The following RNF141 variants were observed in gnomAD, a reference collection of about 807,000 sequenced individuals.
The protein encoded by RNF141 is ring finger protein 141, also known as C3HC4-like zinc finger protein.
RNF141 carries 18 observed loss-of-function variants against 27.4 expected under a neutral mutation model. The observed-to-expected ratio is 0.66, with a 90% CI of 0.45 to 0.97. The LOEUF is 0.97. RNF141 is among the 50% of genes least tolerant of loss of function. RNF141 has a pLI of 0.00. For synonymous variants in RNF141, 97 were observed against 96.6 expected (o/e 1.00, Z -0.02); for missense variants, 230 against 279.4 (o/e 0.82, Z 1.26).
At position 10,539,658 on chromosome 11, in the gene RNF141, G is replaced by C. The variant is rs147716595; in HGVS notation, c.-48+1464C>G. Among the ~76,000 whole-genome samples the C allele has an allele frequency of 3.3e-3, 76 of 23,122 alleles. 1 individual carries two copies. The highest frequency in any genetic ancestry group is 0.011 in the African/African-American group (73 of 6,428). 15.2% of individuals were successfully genotyped at this position (23,122 alleles called of 152,430 possible). ...TATAGAGTCCAGAATGCCTGTTCCA[G>C]AATCAAAGATCTTGATCAGAAAAAG... On this transcript the variant is annotated intron_variant, in intron 1 of 5. Transcript: ENST00000265981.
chr11:10,526,273 A>G (rs1022440281), intron 3 of RNF141, among the ~76,000 whole-genome samples: 4 of 152,208 alleles, frequency 2.6e-5, no homozygotes, highest in Admixed American at 2.6e-4. Flanking sequence ...AAAGAAATGA[A>G]GAATATAGGG....
chr11:10,517,522 A>G (rs561800830), intron 5 of RNF141: 1 of 152,142 alleles, frequency 6.6e-6, no homozygotes, highest in African/African-American at 2.4e-5. Context: ...AGCTCAATAA[A>G]CCCCAAGCAC....
chr11:10,520,976 T>C (rs78042849), intron 4 of RNF141, among the ~76,000 whole-genome samples: 3,970 of 152,316 alleles, frequency 0.026, 75 homozygotes, highest in African/African-American at 0.057. Context: ...CTGACATTGA[T>C]AATGGGCATA....
In RNF141 at chr11:10,519,109, C is replaced by T. The variant is rs763442409; in HGVS notation, c.467G>A (p.Cys156Tyr). Residue 156 changes from cysteine (C) to tyrosine (Y), a missense_variant, in exon 5 of 6, where the codon TGT becomes TAT. Physicochemically the swap from Cys to Tyr is radical, Grantham distance 194. Coordinates refer to ENST00000265981, the MANE Select transcript of RNF141 (RefSeq NM_016422.4). ...GTCAGCCCGCCCATCCATACAGATA[C>T]AACACTCCTCCTCATCGGTCAGCTG... Reference protein sequence around the residue: ...VKQLTDEEECCICMDGRADLI... With the variant: ...VKQLTDEEECYICMDGRADLI... The T allele has an allele frequency of 6.2e-7, 1 of 1,613,980 alleles. No individual in the cohort carries two copies.
At chr11:10,530,902 C>T in intron 2 of RNF141, 151 bp from the exon 3 acceptor site, 3 of 503,500 alleles carry the variant, frequency 6.0e-6, no homozygotes, top group Non-Finnish European at 1.0e-5. Context: ...TAACTGGATT[C>T]TTAAAACAGG....
intron 5 of RNF141, chr11:10,517,688 A>G (rs546361859): frequency 2.0e-4 from 30 of 152,288 alleles, no homozygotes; most frequent in African/African-American, 5.8e-4. Context: ...TGCAAACAAG[A>G]TGAGTGTGAA....
At chr11:10,522,475 G>A (rs1001662610) in intron 4 of RNF141, among the ~76,000 whole-genome samples, 1 of 152,162 alleles carries the variant, frequency 6.6e-6, no homozygotes, top group East Asian at 1.9e-4. Context: ...CCTGTAGATT[G>A]GAATATTTGG....
In RNF141 at chr11:10,541,156, G is replaced by T. The variant is rs567466133; in HGVS notation, c.-82C>A. 6.6e-6 allele frequency: 1 copy of T among 152,376 alleles called. No homozygotes were observed. The highest frequency in any genetic ancestry group is 2.4e-5 in the African/African-American group (1 of 41,444). The allele number at this position is 152,376 out of a possible 1,614,324, so 9.4% of individuals were successfully genotyped here. ...AAGGCATCGCGCACCCTGCGGCAGC[G>T]GCTGCGCTGCCTCAGCCCACAGCTC... On this transcript the variant is annotated 5_prime_UTR_variant, in exon 1 of 6. Coordinates refer to ENST00000265981, the MANE Select transcript of RNF141 (RefSeq NM_016422.4).
intron 4 of RNF141, among the ~76,000 whole-genome samples, chr11:10,522,757 C>T (rs983967788): frequency 1.2e-4 from 19 of 152,326 alleles, no homozygotes; most frequent in East Asian, 3.9e-4. Flanking sequence ...TGACAGTTAA[C>T]TCTTATAGAC....
chr11:10,533,399 T>G (rs79453359), intron 2 of RNF141, among the ~76,000 whole-genome samples: 1 of 152,076 alleles, frequency 6.6e-6, no homozygotes, highest in African/African-American at 2.4e-5. Flanking sequence ...TTTAGAAATT[T>G]AGTCAAAGAG....
chr11:10,520,181 A>G (rs778727093), intron 4 of RNF141, among the ~76,000 whole-genome samples: 1 of 152,170 alleles, frequency 6.6e-6, no homozygotes, highest in Non-Finnish European at 1.5e-5. Flanking sequence ...TATAAAAAAT[A>G]TATTTCTTCA....
At chr11:10,531,235 C>T (rs375141342) in intron 2 of RNF141, among the ~76,000 whole-genome samples, 2 of 151,920 alleles carry the variant, frequency 1.3e-5, no homozygotes, top group East Asian at 1.9e-4. Flanking sequence ...ATTAGCCGGG[C>T]GTGGTGGCGT....
chr11:10,514,799 TA>T lies in RNF141; in HGVS notation c.*116del. On this transcript the variant is annotated 3_prime_UTR_variant, in exon 6 of 6. Coordinates refer to ENST00000265981, the MANE Select transcript of RNF141 (RefSeq NM_016422.4). ...GGACAAATGATCAGAATAGCAAAAATAAAAGAGTGGGGAAAATGGATTTTCC... is the reference window on the plus strand; with the variant it reads ...GGACAAATGATCAGAATAGCAAAAATAAAGAGTGGGGAAAATGGATTTTCC... The T allele has an allele frequency of 2.1e-6, 2 of 975,196 alleles. No homozygotes were observed. Among genetic ancestry groups the T allele is most frequent in the Non-Finnish European group, 2.9e-6 (2 of 691,962 alleles). 60.4% of individuals were successfully genotyped at this position (975,196 alleles called of 1,614,324 possible). A position where few individuals can be genotyped will look rare whatever the true frequency, so the allele number is the denominator to read the frequency against.
In RNF141 at chr11:10,534,339, A is replaced by T. The variant is rs1850015409; in HGVS notation, c.-47-134T>A. On this transcript the variant is annotated intron_variant, in intron 1 of 5. Coordinates refer to ENST00000265981, the MANE Select transcript of RNF141 (RefSeq NM_016422.4). ...GTAGACCTACATGAGTCTAAGGTAG[A>T]ATTTAAATGACTCTGTTTTCAGATT... is the stretch of plus-strand genomic sequence containing the variant. 1.4e-5 allele frequency: 8 copies of T among 553,778 alleles called. No homozygotes were observed. The South Asian group carries it at 2.0e-4, about 14-fold the overall frequency. 34.3% of individuals were successfully genotyped at this position (553,778 alleles called of 1,614,324 possible). A position where few individuals can be genotyped will look rare whatever the true frequency, so the allele number is the denominator to read the frequency against.
intron 1 of RNF141, among the ~76,000 whole-genome samples, chr11:10,540,499 G>A (rs537483568): frequency 6.6e-6 from 1 of 152,274 alleles, no homozygotes; most frequent in South Asian, 2.1e-4. Flanking sequence ...CTTATTATTA[G>A]CAAGAAAACG....
intron 3 of RNF141, among the ~76,000 whole-genome samples, 195 bp downstream of exon 3, chr11:10,530,448 C>T (rs766739975): frequency 1.3e-5 from 2 of 152,156 alleles, no homozygotes; most frequent in Non-Finnish European, 2.9e-5. Flanking sequence ...ATTATAAAAA[C>T]CCCTGCTGTA....
intron 1 of RNF141, among the ~76,000 whole-genome samples, chr11:10,539,237 G>GA (rs1484172753): frequency 2.0e-5 from 3 of 151,954 alleles, no homozygotes; most frequent in Non-Finnish European, 4.4e-5. Context: ...AAGCAAAAAC[G>GA]AAAAAACTGC....
At position 10,515,037 on chromosome 11, in the gene RNF141, C is replaced by A; in HGVS notation, c.572G>T (p.Cys191Phe). 1 of 1,613,862 alleles carries A rather than the reference C, an allele frequency of 6.2e-7. No individual in the cohort carries two copies. Among genetic ancestry groups the A allele is most frequent in the Non-Finnish European group, 8.5e-7 (1 of 1,179,886 alleles). The change falls in exon 6 of 6, where the codon TGT (cysteine) becomes TTT (phenylalanine). Residue 191 changes from cysteine to phenylalanine, a missense_variant. By Grantham distance (205) the Cys-to-Phe change is radical. Coordinates refer to ENST00000265981, the MANE Select transcript of RNF141 (RefSeq NM_016422.4). ...ATTTGCTCCAGTCATCTGTAGGCGACAAATAGGGCAATTCCTGTGTCGATC... is the reference window on the plus strand; with the variant it reads ...ATTTGCTCCAGTCATCTGTAGGCGAAAAATAGGGCAATTCCTGTGTCGATC... ...WSDRHRNCPI[C>F]RLQMTGANES...
chr11:10,523,478 T>TG (rs1369703371), intron 4 of RNF141, among the ~76,000 whole-genome samples: 1 of 152,242 alleles, frequency 6.6e-6, no homozygotes, highest in Non-Finnish European at 1.5e-5. Flanking sequence ...CACAATTCTA[T>TG]ACCCTGTAAG....
Sources: allele counts gnomAD v4.1 joint callset (sites outside exome capture counted in the v4.1 genomes callset), GRCh38; gene constraint gnomAD v4.1.1; transcripts MANE v1.5; gene names NCBI Gene and HGNC (gene_info 2026-07-23, HGNC 2026-07-21).